LMTK3: variants seen among roughly 807,000 people sequenced by gnomAD.
The protein encoded by LMTK3 is lemur tail kinase 3.
LMTK3 carries 27 observed loss-of-function variants against 116.7 expected under a neutral mutation model. The ratio of observed to expected loss-of-function variants is 0.23; its 90% CI spans 0.17 to 0.32. The LOEUF (loss-of-function observed/expected upper bound fraction) is 0.32. LMTK3 is among the 10% of genes least tolerant of loss of function. LMTK3 has a pLI of 1.00. For synonymous variants in LMTK3, 965 were observed against 971.0 expected, an observed-to-expected ratio of 0.99 and a Z score of 0.11; for missense variants, 1,764 against 2,068.5, an observed-to-expected ratio of 0.85 and a Z score of 2.86.
intron 11 of LMTK3, among the ~76,000 whole-genome samples, chr19:48,496,341 C>T (rs1379485882): frequency 6.6e-6 from 1 of 151,402 alleles, no homozygotes; most frequent in Non-Finnish European, 1.5e-5. Context: ...CTTTATCGCC[C>T]AGGCTGGAGT....
At position 48,504,648 on chromosome 19, in the gene LMTK3, C is replaced by T. The variant is rs550601968; in HGVS notation, c.558-1652G>A. Among the ~76,000 whole-genome samples the T allele has an allele frequency of 2.6e-5, 4 of 152,074 alleles. No individual in the cohort carries two copies. In the East Asian group the frequency reaches 7.7e-4, roughly 29 times the overall value. ...CACTGCAACCTCCACCTCCCGGGTT[C>T]AAGTGATTCTCCTGCCTCAACTCCG... On this transcript the variant is annotated intron_variant, in intron 5 of 14. Coordinates refer to ENST00000600059, the MANE Select transcript of LMTK3 (RefSeq NM_001388485.1).
At chr19:48,496,301 C>CTTT (rs553971997) in intron 11 of LMTK3, among the ~76,000 whole-genome samples, 2 of 122,308 alleles carry the variant, frequency 1.6e-5, no homozygotes, top group Admixed American at 8.0e-5. Context: ...TTTTTCTTTT[C>CTTT]TTTTTTTTTT....
intron 5 of LMTK3, among the ~76,000 whole-genome samples, 176 bp from the exon 6 acceptor site, chr19:48,503,172 T>G (rs1972503406): frequency 2.0e-5 from 3 of 152,202 alleles, no homozygotes; most frequent in African/African-American, 7.2e-5. Context: ...CTCAGCCTCC[T>G]GAGTAGCCAG....
chr19:48,498,060 C>T lies in LMTK3; in HGVS notation c.3009G>A (p.Val1003=), dbSNP rs1307745886. The T allele has an allele frequency of 6.2e-7, 1 of 1,613,000 alleles. No individual in the cohort carries two copies. The highest frequency in any genetic ancestry group is 1.7e-5 in the Admixed American group (1 of 60,020). The change falls in exon 11 of 15, where the codon GTG becomes GTA. Residue 1003 remains valine, a synonymous_variant. Transcript: ENST00000600059. ...GGAATCTCAGGCCCCCATTCTCTGA[C>T]ACCTTGTCCTCGCTCTTTGGGGGTG... ...GLTPPKSEDK[V]SENGGLRFPR... is the part of the protein sequence containing the mutation.
rs1459478400 is a variant in LMTK3, at chr19:48,501,055, G to A, written c.1092C>T (p.Val364=). ...GGGCCAGCTTCACATGCTGCTGGCG[G>A]ACCACGAAGGCGAGGACCTCCTCGT... ...LSDEEVLAFV[V]RQQHVKLARP... The change falls in exon 10 of 15, where the codon GTC becomes GTT. Residue 364 remains valine, a synonymous_variant. Transcript: ENST00000600059. 6.4e-7 allele frequency: 1 copy of A among 1,556,506 alleles called. No homozygotes were observed. Among genetic ancestry groups the A allele is most frequent in the Non-Finnish European group, 8.7e-7 (1 of 1,152,570 alleles).
chr19:48,504,943 G>T (rs1972538040), intron 5 of LMTK3, among the ~76,000 whole-genome samples: 1 of 151,950 alleles, frequency 6.6e-6, no homozygotes, highest in East Asian at 1.9e-4. Flanking sequence ...CTTCTGCCTG[G>T]AATGTACTTC....
rs752012010 is a variant in LMTK3 at position 48,497,595 on chromosome 19, C to T, written c.3474G>A (p.Pro1158=). 13 of 1,322,552 alleles carry T rather than the reference C, an allele frequency of 9.8e-6. No homozygotes were observed. Among genetic ancestry groups the T allele is most frequent in the Non-Finnish European group, 1.2e-5 (12 of 1,036,848 alleles). 81.9% of individuals were successfully genotyped at this position (1,322,552 alleles called of 1,614,324 possible). A position where few individuals can be genotyped will look rare whatever the true frequency, so the allele number is the denominator to read the frequency against. Residue 1158 remains proline, a synonymous_variant, in exon 11 of 15, where the codon CCG becomes CCA. Transcript: ENST00000600059. This position sits in a 1 kb window ranked among gnomAD's most constrained non-coding sequence, Gnocchi z 5.7. ...PPLPPPPEAQ[P]RRLEPAPPRA... is the part of the protein sequence containing the mutation. ...TCGGGGGCGCTGGCTCCAGCCTCCT[C>T]GGCTGTGCCTCCGGTGGCGGTGGCA... is the stretch of plus-strand genomic sequence containing the variant.
At chr19:48,502,381 T>TCCTTCCC in intron 7 of LMTK3, 52 bp downstream of exon 7, 3 of 1,276,882 alleles carry the variant, frequency 2.3e-6, no homozygotes, top group Non-Finnish European at 2.2e-6. Flanking sequence ...AGGCCTCACC[T>TCCTTCCC]CCTTCCCCCT....
chr19:48,513,484 G>C, upstream of LMTK3: 1 of 350,772 alleles, frequency 2.9e-6, no homozygotes, highest in Admixed American at 4.6e-5. The surrounding 1 kb of genome is among the most constrained non-coding windows in gnomAD (Gnocchi z 5.6). Flanking sequence ...TACATCACGT[G>C]CCAGGCCGCC....
In LMTK3 at chr19:48,498,322, G is replaced by T; in HGVS notation, c.2747C>A (p.Ala916Asp). 1 of 1,613,312 alleles carries T rather than the reference G, an allele frequency of 6.2e-7. No individual in the cohort carries two copies. Among genetic ancestry groups the T allele is most frequent in the Non-Finnish European group, 8.5e-7 (1 of 1,179,728 alleles). ...DPTVLGNGKQ[A>D]PSLSLPVNGV... ...GTTCACTGGGAGGCTCAGGCTTGGG[G>T]CTTGTTTCCCGTTGCCCAGGACTGT... The change falls in exon 11 of 15, where the codon GCC (alanine) becomes GAC (aspartate). Residue 916 changes from alanine (A) to aspartate (D), a missense_variant. Around this residue, in one of 7 missense-constraint regions of LMTK3, gnomAD observed 1,028 missense variants for 1,050.6 expected, o/e 0.98. Coordinates refer to ENST00000600059, the MANE Select transcript of LMTK3 (RefSeq NM_001388485.1).
Position 48,511,605 on chromosome 19 carries a change from T to C in LMTK3, c.-29A>G. On this transcript the variant is annotated 5_prime_UTR_variant, in exon 1 of 15. Transcript: ENST00000600059. ...GTCGAGGATGGCAGGGAGGTGGAGG[T>C]GGTGGCGGCTGGGGAGGAGGGGGGG... 1.0e-5 allele frequency: 2 copies of C among 191,468 alleles called. No individual in the cohort carries two copies. Among genetic ancestry groups the C allele is most frequent in the South Asian group, 1.3e-4 (1 of 7,480 alleles). 11.9% of individuals were successfully genotyped at this position (191,468 alleles called of 1,614,324 possible).
rs1359125604 is a variant in LMTK3 at position 48,485,908 on chromosome 19, G to A, written c.4367-119C>T. 6 of 1,020,752 alleles carry A rather than the reference G, an allele frequency of 5.9e-6. No homozygotes were observed. The East Asian group carries it at 1.4e-4, about 23-fold the overall frequency. 63.2% of individuals were successfully genotyped at this position (1,020,752 alleles called of 1,614,324 possible). A position where few individuals can be genotyped will look rare whatever the true frequency, so the allele number is the denominator to read the frequency against. ...CACCATGGCCCAAAAGATCTGCTCT[G>A]TTCCCTCTCTGTCCTCACCTACCCC... On this transcript the variant is annotated intron_variant, in intron 14 of 14. Transcript: ENST00000600059.
chr19:48,502,809 A>G, intron 6 of LMTK3, 100 bp downstream of exon 6: 1 of 884,038 alleles, frequency 1.1e-6, no homozygotes, highest in Non-Finnish European at 1.8e-6. Flanking sequence ...ATCATCTACG[A>G]TGATGATGAT....
chr19:48,509,599 C>T, intron 3 of LMTK3, 86 bp from the exon 4 acceptor site: 4 of 1,083,652 alleles, frequency 3.7e-6, no homozygotes, highest in Non-Finnish European at 5.3e-6. Flanking sequence ...GGGACTGAGA[C>T]AGAGCAGACA....
Position 48,501,424 on chromosome 19 carries a change from G to A in LMTK3, c.880-20C>T. 6.2e-6 allele frequency: 10 copies of A among 1,612,630 alleles called. No individual in the cohort carries two copies. Among genetic ancestry groups the A allele is most frequent in the Non-Finnish European group, 8.5e-6 (10 of 1,179,410 alleles). ...GTCCTCCTGAGGGAACCAGGGCGGTGTCAGGCGGGTCAGGGCACCCCACAG... is the reference window on the plus strand; with the variant it reads ...GTCCTCCTGAGGGAACCAGGGCGGTATCAGGCGGGTCAGGGCACCCCACAG... On this transcript the variant is annotated intron_variant, in intron 8 of 14. Coordinates refer to ENST00000600059, the MANE Select transcript of LMTK3 (RefSeq NM_001388485.1).
Position 48,499,008 on chromosome 19 carries a change from G to A in LMTK3, c.2061C>T (p.Asp687=), listed in dbSNP as rs1466994833. The change falls in exon 11 of 15, where the codon GAC becomes GAT. Residue 687 remains aspartate (D), a synonymous_variant. Transcript: ENST00000600059. ...GGTGGCCTCCCCAGCCTGCTACGGC[G>A]TCCCCCCGCTCCAGTGGCAGGCAGG... ...ACSCLPLERG[D]AVAGWGGHPA... The A allele has an allele frequency of 4.9e-6, 7 of 1,421,850 alleles. No homozygotes were observed. Among genetic ancestry groups the A allele is most frequent in the South Asian group, 2.9e-5 (2 of 68,284 alleles). 88.1% of individuals were successfully genotyped at this position (1,421,850 alleles called of 1,614,324 possible).
chr19:48,493,789 G>T lies in LMTK3; in HGVS notation c.3997C>A (p.Pro1333Thr), dbSNP rs1309468152. Residue 1333 changes from proline (P) to threonine (T), a missense_variant, in exon 12 of 15, where the codon CCG (proline) becomes ACG (threonine). By Grantham distance (38) the Pro-to-Thr change is conservative. Transcript: ENST00000600059. ...ARPLRGLLKS[P>T]RGADEPEDSE... ...TCCTCTGGCTCGTCGGCCCCGCGCG[G>T]AGACTTGAGCAGCCCCCGCAGCGGG... is the stretch of plus-strand genomic sequence containing the variant. 2 of 1,536,622 alleles carry T rather than the reference G, an allele frequency of 1.3e-6. No individual in the cohort carries two copies. Among genetic ancestry groups the T allele is most frequent in the South Asian group, 1.2e-5 (1 of 83,580 alleles).
At position 48,499,657 on chromosome 19, in the gene LMTK3, C is replaced by T; in HGVS notation, c.1412G>A (p.Ser471Asn). 1 of 1,539,322 alleles carries T rather than the reference C, an allele frequency of 6.5e-7. No homozygotes were observed. The highest frequency in any genetic ancestry group is 1.2e-5 in the South Asian group (1 of 83,630). ...GCACTCGAGGTTGAGGCCGCGGCTA[C>T]TCTCGGTGACCGTGAGCACATCGTC... Reference protein sequence around the residue: ...DPDDVLTVTESSRGLNLECLW... With the variant: ...DPDDVLTVTENSRGLNLECLW... The change falls in exon 11 of 15, where the codon AGT becomes AAT. Residue 471 changes from serine (S) to asparagine (N), a missense_variant. This residue lies in a region of LMTK3 where 16 missense variants were observed against 36.7 expected (regional missense o/e 0.44). Coordinates refer to ENST00000600059, the MANE Select transcript of LMTK3 (RefSeq NM_001388485.1).
At chr19:48,492,323 G>A (rs1972240755) in intron 12 of LMTK3, among the ~76,000 whole-genome samples, 1 of 152,146 alleles carries the variant, frequency 6.6e-6, no homozygotes, top group South Asian at 2.1e-4. Flanking sequence ...TAAGTAGCTG[G>A]GACTACAGAT....
Sources: gnomAD v4.1 joint callset for allele counts (sites outside exome capture counted in the v4.1 genomes callset) on GRCh38, gnomAD v4.1.1 for gene constraint, gnomAD v4.1.1 regional missense constraint, Gnocchi (gnomAD v3.1) non-coding constraint, MANE v1.5 for transcripts, NCBI Gene and HGNC (gene_info 2026-07-23, HGNC 2026-07-21) for gene names.